The following INPP4A variants were observed in gnomAD, a reference collection of about 807,000 sequenced individuals.
INPP4A encodes the protein inositol polyphosphate-4-phosphatase, type I, 107kD.
A neutral mutation model predicts 119.8 loss-of-function variants in INPP4A; 33 were observed. That is an observed-to-expected ratio of 0.28 (90% CI 0.21 to 0.37). The LOEUF is 0.37. Ranked by LOEUF, INPP4A falls within the 10% of genes least tolerant of loss-of-function variation. The pLI is 1.00. For missense variants in INPP4A, 956 were observed against 1,289.9 expected (o/e 0.74, Z 3.97); for synonymous variants, 496 against 500.7 (o/e 0.99, Z 0.12).
At chr2:98,542,910 A>T (rs1691746995) in intron 10 of INPP4A, among the ~76,000 whole-genome samples, 1 of 151,160 alleles carries the variant, frequency 6.6e-6, no homozygotes, top group East Asian at 1.9e-4. Flanking sequence ...GGCCACTTTT[A>T]GGTTCAGACA....
chr2:98,551,303 C>T (rs1032002995), intron 13 of INPP4A, among the ~76,000 whole-genome samples: 1 of 152,128 alleles, frequency 6.6e-6, no homozygotes, highest in Non-Finnish European at 1.5e-5. Flanking sequence ...ATGAAATGGT[C>T]TTAGAAGGCA....
intron 1 of INPP4A, among the ~76,000 whole-genome samples, chr2:98,461,324 C>T (rs1180008883): frequency 1.3e-5 from 2 of 152,204 alleles, no homozygotes; most frequent in Admixed American, 1.3e-4. Context: ...AAGTGAAGGG[C>T]GGAGAGCAAG....
intron 1 of INPP4A, among the ~76,000 whole-genome samples, chr2:98,455,935 C>T (rs1411714185): frequency 6.6e-6 from 1 of 152,204 alleles, no homozygotes; most frequent in African/African-American, 2.4e-5. Flanking sequence ...CCAGCTAGAG[C>T]GTCCCGTGCC....
At chr2:98,534,694 G>A (rs917348296) in intron 5 of INPP4A, among the ~76,000 whole-genome samples, 1 of 152,224 alleles carries the variant, frequency 6.6e-6, no homozygotes, top group Non-Finnish European at 1.5e-5. Context: ...GAAGGCCGTG[G>A]AGTTTATCAG....
chr2:98,513,086 G>T (rs1361172961), intron 1 of INPP4A, among the ~76,000 whole-genome samples: 1 of 152,200 alleles, frequency 6.6e-6, no homozygotes, highest in Non-Finnish European at 1.5e-5. Context: ...TGCACCGTAG[G>T]ATGGGGAAGG....
At chr2:98,575,963 T>TA (rs1182769964) in intron 23 of INPP4A, among the ~76,000 whole-genome samples, 1 of 152,228 alleles carries the variant, frequency 6.6e-6, no homozygotes, top group Non-Finnish European at 1.5e-5. Flanking sequence ...GGTGTTTACT[T>TA]ATGTAAGTAA....
chr2:98,556,578 G>A (rs555101878), intron 16 of INPP4A, among the ~76,000 whole-genome samples: 1 of 152,348 alleles, frequency 6.6e-6, no homozygotes, highest in South Asian at 2.1e-4. Context: ...GCTGAGACTT[G>A]CCCACAGACC....
rs1700457816 is a variant in INPP4A, at chr2:98,592,743, C to G, written c.*5135C>G. 1 of 152,486 alleles carries G rather than the reference C, an allele frequency of 6.6e-6. No individual in the cohort carries two copies. The highest frequency in any genetic ancestry group is 2.4e-5 in the African/African-American group (1 of 41,480). 9.4% of individuals were successfully genotyped at this position (152,486 alleles called of 1,614,324 possible). A position where few individuals can be genotyped will look rare whatever the true frequency, so the allele number is the denominator to read the frequency against. On this transcript the variant is annotated 3_prime_UTR_variant, in exon 25 of 25. Coordinates refer to ENST00000409851, the MANE Select transcript of INPP4A (RefSeq NM_001134225.2). ...CTCCCAATAGTGGCCCTGGCTGCAACTGACCTCCTGATGCCCTGCTGACGC... is the reference window on the plus strand; with the variant it reads ...CTCCCAATAGTGGCCCTGGCTGCAAGTGACCTCCTGATGCCCTGCTGACGC...
In INPP4A at chr2:98,537,885, G is replaced by A; in HGVS notation, c.490G>A (p.Gly164Ser). The A allele has an allele frequency of 6.2e-7, 1 of 1,612,684 alleles. No homozygotes were observed. The highest frequency in any genetic ancestry group is 8.5e-7 in the Non-Finnish European group (1 of 1,179,324). The change falls in exon 8 of 25, where the codon GGT (glycine) becomes AGT (serine). Residue 164 changes from glycine (G) to serine (S), a missense_variant. Coordinates refer to ENST00000409851, the MANE Select transcript of INPP4A (RefSeq NM_001134225.2). ...TLRSAESDRV[G>S]NITVIGWQME... ...CAGGTCTGCAGAGAGTGACCGTGTA[G>A]GTAACATCACCGTGATTGGCTGGCA...
rs186675113 is a variant in INPP4A at position 98,523,417 on chromosome 2, C to T, written c.151+2686C>T. Among the ~76,000 whole-genome samples the T allele has an allele frequency of 3.9e-3, 567 of 146,622 alleles. 6 individuals are homozygous for T. Among genetic ancestry groups the T allele is most frequent in the African/African-American group, 0.014 (546 of 39,710 alleles). On this transcript the variant is annotated intron_variant, in intron 4 of 24. Transcript: ENST00000409851. Reference sequence around the variant, plus strand: ...GTTTTTTTGTTTTTTTTTTTTGAGACGGAGTCTCTCTCTGTCTCCCGGGGT... The same window carrying T: ...GTTTTTTTGTTTTTTTTTTTTGAGATGGAGTCTCTCTCTGTCTCCCGGGGT...
At chr2:98,494,357 C>T (rs530685423) in intron 1 of INPP4A, among the ~76,000 whole-genome samples, 1 of 152,290 alleles carries the variant, frequency 6.6e-6, no homozygotes, top group South Asian at 2.1e-4. Flanking sequence ...GTCAGTCCAG[C>T]TAGTTTGTAG....
chr2:98,590,233 G>T lies in INPP4A; in HGVS notation c.*2625G>T, dbSNP rs536049271. The T allele has an allele frequency of 1.5e-5, 3 of 204,170 alleles. No homozygotes were observed. Among genetic ancestry groups the T allele is most frequent in the Non-Finnish European group, 3.0e-5 (3 of 99,548 alleles). 12.6% of individuals were successfully genotyped at this position (204,170 alleles called of 1,614,324 possible). On this transcript the variant is annotated 3_prime_UTR_variant, in exon 25 of 25. Coordinates refer to ENST00000409851, the MANE Select transcript of INPP4A (RefSeq NM_001134225.2). ...CCTGTGACTGGACCATTGTTCTTGG[G>T]CATTGCATTGAGTGCTCGGGTGCTG...
At position 98,582,747 on chromosome 2, in the gene INPP4A, G is replaced by GCCAGACACAGATCATCTACTGCATACA. The variant is rs1273493414; in HGVS notation, c.2787-4721_2787-4695dup. On this transcript the variant is annotated intron_variant, in intron 24 of 24. Transcript: ENST00000409851. ...GACAGAAAGATAACCTACTGCATAC[G>GCCAGACACAGATCATCTACTGCATACA]CCAGACACAGATCATCTACTGCATA... Among the ~76,000 whole-genome samples, 263 of 150,802 alleles carry GCCAGACACAGATCATCTACTGCATACA rather than the reference G, an allele frequency of 1.7e-3. 2 individuals are homozygous for GCCAGACACAGATCATCTACTGCATACA. The highest frequency in any genetic ancestry group is 6.0e-3 in the African/African-American group (245 of 40,894).
Position 98,588,606 on chromosome 2 carries a change from T to A in INPP4A, c.*998T>A. On this transcript the variant is annotated 3_prime_UTR_variant, in exon 25 of 25. Transcript: ENST00000409851. The stretch of plus-strand genomic sequence containing the variant: ...TTTTAGGTTTGCAATAATTGTTACT[T>A]TCTTATTCTCATTCTTATGTAAGAT... The A allele has an allele frequency of 8.9e-6, 2 of 223,944 alleles. No homozygotes were observed. Among genetic ancestry groups the A allele is most frequent in the Non-Finnish European group, 1.8e-5 (2 of 112,276 alleles). 13.9% of individuals were successfully genotyped at this position (223,944 alleles called of 1,614,324 possible).
chr2:98,539,941 CT>C (rs1203018612), intron 10 of INPP4A, among the ~76,000 whole-genome samples: 1 of 151,368 alleles, frequency 6.6e-6, no homozygotes, highest in Non-Finnish European at 1.5e-5. Context: ...CTTCTTTACT[CT>C]TTTTTTTTGA....
chr2:98,571,179 C>T (rs1283550749), intron 22 of INPP4A, among the ~76,000 whole-genome samples: 2 of 152,212 alleles, frequency 1.3e-5, no homozygotes, highest in Non-Finnish European at 2.9e-5. Flanking sequence ...AAGCTGGGCC[C>T]CCTACTATCC....
At chr2:98,541,027 TTAAAAA>T (rs1200360046) in intron 10 of INPP4A, among the ~76,000 whole-genome samples, 7 of 152,268 alleles carry the variant, frequency 4.6e-5, no homozygotes, top group Middle Eastern at 3.4e-3. Flanking sequence ...AACATCAAAC[TTAAAAA>T]TAAAGGGCAA....
At position 98,568,641 on chromosome 2, in the gene INPP4A, C is replaced by T; in HGVS notation, c.2491C>T (p.Gln831Ter). ...SLVRLNSYFE[Q>*]FKEVLPEDCL... ...GGTGCGGTTAAATTCCTACTTTGAG[C>T]AGTTTAAGGAAGTTTTGCCTGAGGA... Residue 831 changes from glutamine (Q) to a stop codon, truncating the protein, a stop_gained, in exon 22 of 25, where the codon CAG becomes TAG. Coordinates refer to ENST00000409851, the MANE Select transcript of INPP4A (RefSeq NM_001134225.2). LOFTEE classifies it high-confidence loss of function. 6.3e-7 allele frequency: 1 copy of T among 1,598,754 alleles called. No homozygotes were observed. The highest frequency in any genetic ancestry group is 8.5e-7 in the Non-Finnish European group (1 of 1,169,954).
At chr2:98,470,144 CAT>C (rs1374591752) in intron 1 of INPP4A, among the ~76,000 whole-genome samples, 1 of 152,250 alleles carries the variant, frequency 6.6e-6, no homozygotes, top group Non-Finnish European at 1.5e-5. Context: ...GAGAAGAACA[CAT>C]GACATGTTGA....
Sources: allele counts gnomAD v4.1 joint callset (sites outside exome capture counted in the v4.1 genomes callset), GRCh38; gene constraint gnomAD v4.1.1; transcripts MANE v1.5; gene names NCBI Gene and HGNC (gene_info 2026-07-23, HGNC 2026-07-21).